Variants in MAF observed in about 807,000 individuals in gnomAD.
MAF encodes the protein transcription factor Maf.
In MAF, 10 loss-of-function variants were observed where a neutral mutation model predicts 22.0. That is an observed-to-expected ratio of 0.45 (90% CI 0.28 to 0.77). The LOEUF is 0.77. Ranked by LOEUF, MAF falls within the 30% of genes least tolerant of loss-of-function variation. The pLI is 0.12. For synonymous variants in MAF, 337 were observed against 255.8 expected, an observed-to-expected ratio of 1.32 and a Z score of -3.03; for missense variants, 544 against 548.4, an observed-to-expected ratio of 0.99 and a Z score of 0.08.
At chr16:79,359,576 T>C in the MAF span, among the ~76,000 whole-genome samples, 3 of 152,230 alleles carry the variant, frequency 2.0e-5, no homozygotes, top group Non-Finnish European at 4.4e-5. Flanking sequence ...TTGCTGTTCT[T>C]TGAATGCACC....
the MAF span, among the ~76,000 whole-genome samples, chr16:79,324,834 C>A: frequency 1.1e-4 from 16 of 152,196 alleles, no homozygotes; most frequent in African/African-American, 3.1e-4. Context: ...TATTCTCTTA[C>A]AGTTCTGGAG....
chr16:79,248,113 T>A, the MAF span, among the ~76,000 whole-genome samples: 1 of 152,136 alleles, frequency 6.6e-6, no homozygotes, highest in East Asian at 1.9e-4. Flanking sequence ...TGCTATTGAT[T>A]CATTTTCTTT....
chr16:79,552,240 G>A, the MAF span, among the ~76,000 whole-genome samples: 6 of 150,650 alleles, frequency 4.0e-5, no homozygotes, highest in African/African-American at 1.5e-4. Flanking sequence ...TTCAGTCAGT[G>A]TCTTGCTGTG....
downstream of MAF, among the ~76,000 whole-genome samples, chr16:79,584,434 T>G (rs1395306107): frequency 6.6e-6 from 1 of 152,234 alleles, no homozygotes; most frequent in Admixed American, 6.5e-5. Flanking sequence ...CCAAATGCCT[T>G]TCTCTTCCTT....
chr16:79,438,640 C>T, the MAF span, among the ~76,000 whole-genome samples: 1 of 152,202 alleles, frequency 6.6e-6, no homozygotes, highest in South Asian at 2.1e-4. Flanking sequence ...TCAGAGAGGG[C>T]GGATCAGTTT....
At chr16:79,251,125 T>C in the MAF span, among the ~76,000 whole-genome samples, 1 of 152,104 alleles carries the variant, frequency 6.6e-6, no homozygotes, top group Non-Finnish European at 1.5e-5. Context: ...GTTAAGTGCT[T>C]ATTTCAAAGT....
chr16:79,598,386 C>A, intron 1 of MAF: 2 of 1,172,450 alleles, frequency 1.7e-6, no homozygotes, highest in Non-Finnish European at 2.1e-6. Flanking sequence ...AGGTGATCAA[C>A]GTTTCACATG....
chr16:79,280,285 C>G, the MAF span, among the ~76,000 whole-genome samples: 1 of 152,224 alleles, frequency 6.6e-6, no homozygotes, highest in African/African-American at 2.4e-5. Context: ...GAAGAGAGGT[C>G]TGGGGCAGAC....
chr16:79,416,138 C>T, the MAF span, among the ~76,000 whole-genome samples: 8 of 152,218 alleles, frequency 5.3e-5, no homozygotes, highest in Admixed American at 2.6e-4. Flanking sequence ...CTGCCACCCG[C>T]GGCACAGGAT....
chr16:79,258,793 G>T, the MAF span, among the ~76,000 whole-genome samples: 3 of 152,152 alleles, frequency 2.0e-5, no homozygotes, highest in Non-Finnish European at 4.4e-5. Context: ...GGCAAGTATA[G>T]TGCTAGTGAA....
At chr16:79,216,318 TG>T in the MAF span, among the ~76,000 whole-genome samples, 16 of 152,362 alleles carry the variant, frequency 1.1e-4, no homozygotes, top group African/African-American at 3.6e-4. Flanking sequence ...CACATATATG[TG>T]GCACATGTGC....
At chr16:79,511,134 C>G in the MAF span, among the ~76,000 whole-genome samples, 1 of 152,140 alleles carries the variant, frequency 6.6e-6, no homozygotes, top group African/African-American at 2.4e-5. Flanking sequence ...TGCCTTACTT[C>G]TGTGTCTCCT....
intron 1 of MAF, chr16:79,596,968 AC>A (rs1913569151): frequency 1.9e-6 from 2 of 1,051,992 alleles, no homozygotes; most frequent in Non-Finnish European, 2.3e-6. Flanking sequence ...AGAAAAAAAA[AC>A]ATACATTTTT....
chr16:79,233,626 G>A, the MAF span, among the ~76,000 whole-genome samples: 24 of 152,028 alleles, frequency 1.6e-4, 1 homozygote, highest in Non-Finnish European at 2.6e-4. Context: ...ACTGGGAGGT[G>A]ATGGGATACC....
At chr16:79,557,610 C>G in the MAF span, among the ~76,000 whole-genome samples, 1 of 152,068 alleles carries the variant, frequency 6.6e-6, no homozygotes, top group Non-Finnish European at 1.5e-5. Flanking sequence ...AATAGAGATA[C>G]TAATAGCAGC....
chr16:79,259,965 C>T, the MAF span, among the ~76,000 whole-genome samples: 2 of 152,120 alleles, frequency 1.3e-5, no homozygotes, highest in Non-Finnish European at 2.9e-5. Flanking sequence ...CAGGTCAAGG[C>T]AGGGAAGTGT....
the MAF span, among the ~76,000 whole-genome samples, chr16:79,257,050 G>T: frequency 6.6e-6 from 1 of 152,124 alleles, no homozygotes; most frequent in Admixed American, 6.5e-5. Flanking sequence ...GGTGGTGGGC[G>T]CCTGTAGTCT....
chr16:79,261,370 C>G, the MAF span, among the ~76,000 whole-genome samples: 2 of 152,100 alleles, frequency 1.3e-5, no homozygotes, highest in African/African-American at 2.4e-5. Flanking sequence ...CCAGGCTGGT[C>G]TTGAACTCAC....
the MAF span, among the ~76,000 whole-genome samples, chr16:79,531,693 G>T: frequency 6.6e-6 from 1 of 152,228 alleles, no homozygotes; most frequent in Middle Eastern, 3.4e-3. Context: ...GATATAGCAG[G>T]AGGCAGCACT....
Sources: allele counts gnomAD v4.1 joint callset (sites outside exome capture counted in the v4.1 genomes callset), GRCh38; gene constraint gnomAD v4.1.1; transcripts MANE v1.5; gene names NCBI Gene and HGNC (gene_info 2026-07-23, HGNC 2026-07-21).